Variants in INF2 observed in about 807,000 individuals in gnomAD.
INF2 encodes inverted formin-2.
In INF2, 43 loss-of-function variants were observed where a neutral mutation model predicts 123.5. That is an observed-to-expected ratio of 0.35 (90% CI 0.27 to 0.45). The LOEUF is 0.45. Among genes scored for constraint, INF2 ranks in the 20% least tolerant of loss-of-function variants. The pLI is 1.00. For missense variants in INF2, 1,453 were observed against 1,682.7 expected, an observed-to-expected ratio of 0.86 and a Z score of 2.39; for synonymous variants, 851 against 745.0, an observed-to-expected ratio of 1.14 and a Z score of -2.32.
At chr14:104,716,881 A>G (rs1039832517) in intron 22 of INF2, among the ~76,000 whole-genome samples, 3 of 152,074 alleles carry the variant, frequency 2.0e-5, no homozygotes, top group Non-Finnish European at 4.4e-5. Flanking sequence ...TAGCAGAGAC[A>G]GGGTTTCACC....
chr14:104,707,783 C>T lies in INF2; in HGVS notation c.1516C>T (p.Leu506=), dbSNP rs747182187. Residue 506 remains leucine (L), a synonymous_variant, in exon 8 of 23, where the codon CTG becomes TTG. Transcript: ENST00000392634. The part of the protein sequence containing the change: ...GLGCPPPPPP[L]LPGMGWGPPP... ...GGGATGCCCGCCCCCACCCCCACCC[C>T]TGCTGCCTGGTATGGGCTGGGGCCC... is the stretch of plus-strand genomic sequence containing the variant. 7.0e-6 allele frequency: 10 copies of T among 1,432,984 alleles called. No homozygotes were observed. In the African/African-American group the frequency reaches 1.4e-4, roughly 20 times the overall value. 88.8% of individuals were successfully genotyped at this position (1,432,984 alleles called of 1,614,324 possible). A position where few individuals can be genotyped will look rare whatever the true frequency, so the allele number is the denominator to read the frequency against.
In INF2 at chr14:104,683,574, T is replaced by C. The variant is rs564447064; in HGVS notation, c.-104+1992T>C. Reference sequence around the variant, plus strand: ...AGTGGTGTCCTCATTCCAGTCACCATTCCATTCATAAATACTTCTGAAACC... The same window carrying C: ...AGTGGTGTCCTCATTCCAGTCACCACTCCATTCATAAATACTTCTGAAACC... On this transcript the variant is annotated intron_variant, in intron 1 of 2. Coordinates refer to the INF2 transcript ENST00000674723. 2.0e-5 allele frequency among the ~76,000 whole-genome samples: 3 copies of C among 151,384 alleles called. No homozygotes were observed. In the East Asian group the frequency reaches 5.8e-4, roughly 29 times the overall value.
intron 2 of INF2, 142 bp from the exon 3 acceptor site, chr14:104,702,963 C>T: frequency 1.4e-6 from 1 of 720,250 alleles, no homozygotes; most frequent in South Asian, 1.5e-5. Flanking sequence ...GGGTCCCAGC[C>T]CACTGCTGTG....
chr14:104,696,682 G>A lies in INF2; in HGVS notation c.-9-4675G>A, dbSNP rs757721134. On this transcript the variant is annotated intron_variant, in intron 1 of 22. Transcript: ENST00000392634. ...AACCCCGGGGTGCTGCCAGGAACGCGTGCAGTCCTGGAGATCCATGGGTTG... is the reference window on the plus strand; with the variant it reads ...AACCCCGGGGTGCTGCCAGGAACGCATGCAGTCCTGGAGATCCATGGGTTG... 8.5e-5 allele frequency among the ~76,000 whole-genome samples: 13 copies of A among 152,148 alleles called. 1 individual carries two copies. Among genetic ancestry groups the A allele is most frequent in the Admixed American group, 2.6e-4 (4 of 15,286 alleles).
chr14:104,716,849 C>T (rs1048602672), intron 22 of INF2, among the ~76,000 whole-genome samples: 4 of 152,198 alleles, frequency 2.6e-5, no homozygotes, highest in Admixed American at 6.5e-5. Context: ...CGCCACCACG[C>T]GCGGCTAATT....
At chr14:104,715,949 T>C (rs1401069484) in intron 22 of INF2, 1 of 455,964 alleles carries the variant, frequency 2.2e-6, no homozygotes, top group Admixed American at 2.3e-5. Context: ...GGTGGGTCTA[T>C]GGAGAAGCAG....
rs1303423503 is a variant in INF2, at chr14:104,709,314, T to C, written c.1983T>C (p.Ala661=). ...SNEEVAAMIR[A]GDTTKFDVEV... Reference sequence around the variant, plus strand: ...AGGAGGTCGCTGCTATGATCCGGGCTGGAGATACCACCAAGTTTGATGTGG... The same window carrying C: ...AGGAGGTCGCTGCTATGATCCGGGCCGGAGATACCACCAAGTTTGATGTGG... Residue 661 remains alanine, a synonymous_variant, in exon 11 of 23, where the codon GCT becomes GCC. Coordinates refer to ENST00000392634, the MANE Select transcript of INF2 (RefSeq NM_022489.4). 1.2e-6 allele frequency: 2 copies of C among 1,613,164 alleles called. No individual in the cohort carries two copies. Among genetic ancestry groups the C allele is most frequent in the East Asian group, 4.5e-5 (2 of 44,880 alleles).
At chr14:104,702,998 C>T (rs1472549438) in intron 2 of INF2, 107 bp from the exon 3 acceptor site, 1 of 874,954 alleles carries the variant, frequency 1.1e-6, no homozygotes, top group Non-Finnish European at 1.8e-6. Context: ...GCCCGGCACC[C>T]CCTGGCGTCT....
At chr14:104,709,167 GC>G in intron 10 of INF2, 113 bp from the exon 11 acceptor site, 1 of 771,766 alleles carries the variant, frequency 1.3e-6, no homozygotes, top group Non-Finnish European at 2.2e-6. Flanking sequence ...TGTCCCCCCT[GC>G]CCTGGCCACC....
At chr14:104,691,266 T>C (rs1292967212) in intron 1 of INF2, 1 of 152,202 alleles carries the variant, frequency 6.6e-6, no homozygotes, top group Non-Finnish European at 1.5e-5. Flanking sequence ...CTTCCTGGGT[T>C]GGAAAAGTTA....
At chr14:104,703,632 A>G (rs965444160) in intron 4 of INF2, among the ~76,000 whole-genome samples, 178 bp downstream of exon 4, 1 of 152,218 alleles carries the variant, frequency 6.6e-6, no homozygotes, top group Non-Finnish European at 1.5e-5. Flanking sequence ...CACAGGCCTC[A>G]GAACGCCTGG....
At chr14:104,687,195 C>A (rs1595147372), upstream of INF2, among the ~76,000 whole-genome samples, 1 of 152,056 alleles carries the variant, frequency 6.6e-6, no homozygotes, top group Admixed American at 6.6e-5. The surrounding 1 kb of genome is among the most constrained non-coding windows in gnomAD (Gnocchi z 5.6). Context: ...GTTTCTGAGG[C>A]CAAATCGGTC....
intron 6 of INF2, among the ~76,000 whole-genome samples, chr14:104,706,643 C>G (rs746437574): frequency 6.6e-6 from 1 of 152,178 alleles, no homozygotes; most frequent in Non-Finnish European, 1.5e-5. Flanking sequence ...CATCTGGCAA[C>G]ATCTGAAGAC....
intron 8 of INF2, 64 bp from the exon 9 acceptor site, chr14:104,708,372 T>C: frequency 6.3e-7 from 1 of 1,585,564 alleles, no homozygotes; most frequent in Non-Finnish European, 8.6e-7. Flanking sequence ...CTCCAGCCCC[T>C]GCCTGCTGGA....
intron 1 of INF2, chr14:104,700,911 C>T (rs1889447938): frequency 2.0e-6 from 2 of 976,208 alleles, no homozygotes; most frequent in Non-Finnish European, 2.4e-6. Flanking sequence ...GGGGGAAGTG[C>T]CCTGGGGTGA....
chr14:104,707,306 C>T lies in INF2; in HGVS notation c.1039C>T (p.Arg347Ter), dbSNP rs2140666903. The T allele has an allele frequency of 6.2e-7, 1 of 1,606,506 alleles. No individual in the cohort carries two copies. Among genetic ancestry groups the T allele is most frequent in the Non-Finnish European group, 8.5e-7 (1 of 1,177,276 alleles). The stretch of plus-strand genomic sequence containing the variant: ...TGAGCGGCTCCTGTCTGTCAAGGGG[C>T]GACCCAGACCGAGCCCCCTGGTCAA... ...VVERLLSVKG[R>*]PRPSPLVKAH... Residue 347 changes from arginine to a stop codon, truncating the protein, a stop_gained, in exon 8 of 23, where the codon CGA becomes TGA. Coordinates refer to ENST00000392634, the MANE Select transcript of INF2 (RefSeq NM_022489.4). LOFTEE classifies it high-confidence loss of function.
At position 104,713,469 on chromosome 14, in the gene INF2, A is replaced by G. The variant is rs1339541668; in HGVS notation, c.2903A>G (p.Glu968Gly). Reference protein sequence around the residue: ...KPVRKGPGKQEEVCVIDALLA... With the variant: ...KPVRKGPGKQGEVCVIDALLA... ...GTCAGGAAGGGGCCCGGGAAGCAGG[A>G]GGAGGTGTGTGTCATCGATGCCCTG... The change falls in exon 20 of 23, where the codon GAG becomes GGG. Residue 968 changes from glutamate to glycine, a missense_variant. By Grantham distance (98) the Glu-to-Gly change is moderately conservative (BLOSUM62 -2). Transcript: ENST00000392634. The G allele has an allele frequency of 6.2e-7, 1 of 1,611,400 alleles. No homozygotes were observed. Among genetic ancestry groups the G allele is most frequent in the Admixed American group, 1.7e-5 (1 of 59,854 alleles).
intron 20 of INF2, 122 bp downstream of exon 20, chr14:104,713,728 C>A: frequency 1.8e-6 from 2 of 1,123,354 alleles, no homozygotes; most frequent in Non-Finnish European, 2.5e-6. Context: ...CCCTGGAGGC[C>A]CCTAAGACTG....
At chr14:104,717,300 C>CA (rs1041835491) in intron 22 of INF2, among the ~76,000 whole-genome samples, 7 of 141,900 alleles carry the variant, frequency 4.9e-5, no homozygotes, top group East Asian at 4.1e-4. Context: ...CCCAGTCCCC[C>CA]CCCCGGGCAG....
Sources: allele counts gnomAD v4.1 joint callset (sites outside exome capture counted in the v4.1 genomes callset), GRCh38; gene constraint gnomAD v4.1.1; non-coding constraint Gnocchi (gnomAD v3.1); transcripts MANE v1.5; gene names NCBI Gene and HGNC (gene_info 2026-07-23, HGNC 2026-07-21).